The following DAPK1 variants were observed in gnomAD, a reference collection of about 807,000 sequenced individuals.
DAPK1 encodes death-associated protein kinase 1.
Under a neutral mutation model 144.9 loss-of-function variants are expected in DAPK1, and 56 were observed. The observed-to-expected ratio is 0.39, with a 90% CI of 0.31 to 0.48. The LOEUF is 0.48. Ranked by LOEUF, DAPK1 falls within the 20% of genes least tolerant of loss-of-function variation. The pLI, the probability that DAPK1 is intolerant of heterozygous loss-of-function variation, is 0.95. For missense variants in DAPK1, 1,454 were observed against 1,875.4 expected, an observed-to-expected ratio of 0.78 and a Z score of 4.15; for synonymous variants, 690 against 749.0, an observed-to-expected ratio of 0.92 and a Z score of 1.29.
Position 87,646,116 on chromosome 9 carries a change from A to G in DAPK1, c.1131+102A>G, listed in dbSNP as rs1235226771. ...ATCTGCTTCTCCATTCTCCCTTCCA[A>G]TTGGAAGCTCCATACTGTGGGGAAA... On this transcript the variant is annotated intron_variant, in intron 12 of 25. Transcript: ENST00000408954. 43 of 1,385,774 alleles carry G rather than the reference A, an allele frequency of 3.1e-5. No homozygotes were observed. In the Admixed American group the frequency reaches 6.4e-4, roughly 21 times the overall value. The allele number at this position is 1,385,774 out of a possible 1,614,324, so 85.8% of individuals were successfully genotyped here.
intron 2 of DAPK1, among the ~76,000 whole-genome samples, chr9:87,555,756 G>T (rs919259847): frequency 6.6e-6 from 1 of 152,182 alleles, no homozygotes; most frequent in Non-Finnish European, 1.5e-5. Flanking sequence ...GCCTGCCTTG[G>T]CCTCCCAAAG....
intron 2 of DAPK1, among the ~76,000 whole-genome samples, chr9:87,559,159 C>T (rs867221709): frequency 4.6e-5 from 7 of 152,116 alleles, no homozygotes; most frequent in Non-Finnish European, 8.8e-5. Flanking sequence ...CTACTTAACC[C>T]TATAAGTTAG....
chr9:87,706,760 T>A lies in DAPK1; in HGVS notation c.3689T>A (p.Leu1230His). ...GTCATGGCCACCACGCTGCCAGGGC[T>A]CCTGACCGTGAAGCATTACCTGAGC... ...ENVMATTLPG[L>H]LTVKHYLSPQ... Residue 1230 changes from leucine to histidine, a missense_variant, in exon 26 of 26, where the codon CTC (leucine) becomes CAC (histidine). By Grantham distance (99) the Leu-to-His change is moderately conservative. Coordinates refer to ENST00000408954, the MANE Select transcript of DAPK1 (RefSeq NM_004938.4). The surrounding 1 kb of genome is among the most constrained non-coding windows in gnomAD (Gnocchi z 9.0). 2 of 1,613,472 alleles carry A rather than the reference T, an allele frequency of 1.2e-6. No homozygotes were observed. The highest frequency in any genetic ancestry group is 1.7e-6 in the Non-Finnish European group (2 of 1,179,906).
chr9:87,562,517 A>G (rs1826967255), intron 2 of DAPK1, among the ~76,000 whole-genome samples: 1 of 152,184 alleles, frequency 6.6e-6, no homozygotes, highest in South Asian at 2.1e-4. Context: ...GTGTCCTCCT[A>G]CCTCATGCTG....
At chr9:87,601,482 G>A (rs981932712) in intron 2 of DAPK1, among the ~76,000 whole-genome samples, 2 of 151,858 alleles carry the variant, frequency 1.3e-5, no homozygotes, top group African/African-American at 4.8e-5. Context: ...TGTATACATC[G>A]TTAGCACAGG....
chr9:87,584,896 C>T (rs1271306796), intron 2 of DAPK1, among the ~76,000 whole-genome samples: 1 of 152,126 alleles, frequency 6.6e-6, no homozygotes, highest in Non-Finnish European at 1.5e-5. Flanking sequence ...AGGCTGGCCT[C>T]GAACTCCTGA....
At chr9:87,509,865 A>T (rs1435751824) in intron 2 of DAPK1, among the ~76,000 whole-genome samples, 3 of 152,180 alleles carry the variant, frequency 2.0e-5, no homozygotes, top group Non-Finnish European at 4.4e-5. Context: ...CAGCACATGG[A>T]GGAGGCCTCT....
chr9:87,613,021 ATTTG>A (rs1321303859), intron 3 of DAPK1, among the ~76,000 whole-genome samples: 1 of 152,154 alleles, frequency 6.6e-6, no homozygotes, highest in Non-Finnish European at 1.5e-5. Context: ...GTCTCCCCTT[ATTTG>A]TTCTGCTTCC....
At chr9:87,687,498 G>A (rs573656379) in intron 21 of DAPK1, among the ~76,000 whole-genome samples, 12 of 152,176 alleles carry the variant, frequency 7.9e-5, no homozygotes, top group Non-Finnish European at 1.0e-4. Flanking sequence ...CATAAATAGT[G>A]TTCTGTTATG....
chr9:87,548,469 C>A (rs949151302), intron 2 of DAPK1, among the ~76,000 whole-genome samples: 1 of 152,134 alleles, frequency 6.6e-6, no homozygotes, highest in African/African-American at 2.4e-5. Flanking sequence ...TCTCTTGCAA[C>A]ATATAAGTTT....
chr9:87,666,495 A>G (rs1348557098), intron 18 of DAPK1, among the ~76,000 whole-genome samples: 2 of 140,994 alleles, frequency 1.4e-5, no homozygotes, highest in African/African-American at 5.3e-5. Flanking sequence ...TTTTTTTGAG[A>G]TGGAGTCTCA....
intron 2 of DAPK1, among the ~76,000 whole-genome samples, chr9:87,539,870 G>A (rs1035728694): frequency 1.3e-5 from 2 of 152,038 alleles, no homozygotes; most frequent in African/African-American, 4.8e-5. Flanking sequence ...GGAGCCCTCT[G>A]CGTATCAATA....
intron 2 of DAPK1, 195 bp downstream of exon 2, chr9:87,499,334 A>G (rs915735968): frequency 5.1e-6 from 3 of 593,388 alleles, no homozygotes; most frequent in Non-Finnish European, 6.1e-6. Flanking sequence ...GAGGAGAGGC[A>G]GCAGTTCAGG....
rs1320849258 is a variant in DAPK1, at chr9:87,638,064, G to A, written c.406G>A (p.Ala136Thr). ...GVYYLHSLQI[A>T]HFDLKPENIM... ...TTACTACCTGCACTCCCTTCAAATC[G>A]CCCACTTTGATCTTAAGGTACGTTT... Residue 136 changes from alanine (A) to threonine (T), a missense_variant, in exon 4 of 26, where the codon GCC becomes ACC. Coordinates refer to ENST00000408954, the MANE Select transcript of DAPK1 (RefSeq NM_004938.4). 4.3e-6 allele frequency: 7 copies of A among 1,611,360 alleles called. No individual in the cohort carries two copies. The highest frequency in any genetic ancestry group is 4.2e-6 in the Non-Finnish European group (5 of 1,178,094).
chr9:87,644,391 T>A (rs36212380), intron 11 of DAPK1, among the ~76,000 whole-genome samples: 1 of 152,078 alleles, frequency 6.6e-6, no homozygotes, highest in Non-Finnish European at 1.5e-5. Flanking sequence ...ACCCTGCCCC[T>A]TTAACTGAAT....
At position 87,499,101 on chromosome 9, in the gene DAPK1, C is replaced by A. The variant is rs569339922; in HGVS notation, c.24C>A (p.Asn8Lys). The A allele has an allele frequency of 6.2e-7, 1 of 1,613,956 alleles. No individual in the cohort carries two copies. Among genetic ancestry groups the A allele is most frequent in the South Asian group, 1.1e-5 (1 of 91,076 alleles). Residue 8 changes from asparagine (N) to lysine (K), a missense_variant, in exon 2 of 26, where the codon AAC becomes AAA. Asn to Lys is a moderately conservative substitution (Grantham distance 94). Transcript: ENST00000408954. Reference protein sequence around the residue: MTVFRQENVDDYYDTGEE... With the variant: MTVFRQEKVDDYYDTGEE... Reference sequence around the variant, plus strand: ...TCATGACCGTGTTCAGGCAGGAAAACGTGGATGATTACTACGACACCGGCG... The same window carrying A: ...TCATGACCGTGTTCAGGCAGGAAAAAGTGGATGATTACTACGACACCGGCG...
intron 3 of DAPK1, among the ~76,000 whole-genome samples, chr9:87,611,808 TA>T (rs1828941557): frequency 6.6e-6 from 1 of 152,192 alleles, no homozygotes; most frequent in African/African-American, 2.4e-5. Flanking sequence ...TTTCCATTTT[TA>T]ACAGATTCCC....
chr9:87,601,577 T>C (rs1443709924), intron 2 of DAPK1, among the ~76,000 whole-genome samples: 1 of 150,736 alleles, frequency 6.6e-6, no homozygotes, highest in East Asian at 2.0e-4. Flanking sequence ...ACTTGGGGGG[T>C]AATACTGCAT....
At chr9:87,680,073 T>C (rs1274873636) in intron 19 of DAPK1, among the ~76,000 whole-genome samples, 1 of 151,454 alleles carries the variant, frequency 6.6e-6, no homozygotes, top group East Asian at 1.9e-4. Context: ...TTTAGTAATA[T>C]ATTAATATTT....
Sources: gnomAD v4.1 joint callset for allele counts (sites outside exome capture counted in the v4.1 genomes callset) on GRCh38, gnomAD v4.1.1 for gene constraint, Gnocchi (gnomAD v3.1) non-coding constraint, MANE v1.5 for transcripts, NCBI Gene and HGNC (gene_info 2026-07-23, HGNC 2026-07-21) for gene names.